Variants in HDAC9 observed in about 807,000 individuals in gnomAD.
The protein encoded by HDAC9 is MEF-2 interacting transcription repressor (MITR) protein.
A neutral mutation model predicts 139.4 loss-of-function variants in HDAC9; 41 were observed. That is an observed-to-expected ratio of 0.29 (90% CI 0.23 to 0.38). HDAC9 has a LOEUF of 0.38. Among genes scored for constraint, HDAC9 ranks in the 10% least tolerant of loss-of-function variants. The pLI, the probability that HDAC9 is intolerant of heterozygous loss-of-function variation, is 1.00. For synonymous variants in HDAC9, 517 were observed against 476.2 expected (o/e 1.09, Z -1.12); for missense variants, 1,147 against 1,297.0 (o/e 0.88, Z 1.78).
chr7:18,649,551 A>T lies in HDAC9; in HGVS notation c.1467+868A>T, dbSNP rs555469895. Among the ~76,000 whole-genome samples the T allele has an allele frequency of 1.2e-4, 19 of 152,258 alleles. No homozygotes were observed. The South Asian group carries it at 3.9e-3, about 32-fold the overall frequency. On this transcript the variant is annotated intron_variant, in intron 11 of 25. Coordinates refer to ENST00000686413, the MANE Select transcript of HDAC9 (RefSeq NM_178425.4). ...GAGAGGCATGATATTGCAAACTGAT[A>T]CTTTGTTTACTGATAAATGGATAGC...
chr7:18,328,979 T>C (rs772932350), intron 1 of HDAC9, among the ~76,000 whole-genome samples: 1 of 151,896 alleles, frequency 6.6e-6, no homozygotes, highest in East Asian at 1.9e-4. Flanking sequence ...TGAATCAGTC[T>C]CCTTACTCAT....
rs1043041396 is a variant in HDAC9, at chr7:18,920,402, A to G, written c.2804-15407A>G. ...CTTAAGGAGATTTTGGGCTGAGACA[A>G]TGGGGTTTTCTAGATATACAATCAT... On this transcript the variant is annotated intron_variant, in intron 22 of 25. Transcript: ENST00000686413. Among the ~76,000 whole-genome samples, 5 of 152,106 alleles carry G rather than the reference A, an allele frequency of 3.3e-5. No homozygotes were observed. The South Asian group carries it at 8.3e-4, about 25-fold the overall frequency.
At position 18,094,721 on chromosome 7, in the gene HDAC9, A is replaced by G. The variant is rs1404786921; in HGVS notation, c.-97+7508A>G. The stretch of plus-strand genomic sequence containing the variant: ...TCCTCCTGCTTAGGCCTCCCAAAGC[A>G]CTAGGATTACAAATGTGAGCCACCG... On this transcript the variant is annotated intron_variant, in intron 1 of 12. Transcript: ENST00000417496. Among the ~76,000 whole-genome samples, 4 of 152,188 alleles carry G rather than the reference A, an allele frequency of 2.6e-5. No individual in the cohort carries two copies. In the East Asian group the frequency reaches 7.7e-4, roughly 29 times the overall value.
At chr7:18,741,561 G>A (rs1053786300) in intron 13 of HDAC9, among the ~76,000 whole-genome samples, 4 of 152,158 alleles carry the variant, frequency 2.6e-5, no homozygotes, top group African/African-American at 7.2e-5. Flanking sequence ...AACTCTGATG[G>A]ACATGTGCAA....
chr7:18,241,429 C>T (rs1794181934), intron 2 of HDAC9, among the ~76,000 whole-genome samples: 1 of 152,110 alleles, frequency 6.6e-6, no homozygotes, highest in Non-Finnish European at 1.5e-5. Context: ...TGTTTCTGTT[C>T]TTCCTGCCCT....
rs200748151 is a variant in HDAC9, at chr7:18,604,409, C to CT, written c.664+10392dup. On this transcript the variant is annotated intron_variant, in intron 6 of 25. Transcript: ENST00000686413. The stretch of plus-strand genomic sequence containing the variant: ...AGTCTACTGATGAGCACATTTGGAC[C>CT]TTTTTTTTTTTTCTTGAGACGGAGT... Among the ~76,000 whole-genome samples the CT allele has an allele frequency of 6.1e-4, 88 of 144,870 alleles. 1 individual carries two copies. Among genetic ancestry groups the CT allele is most frequent in the Middle Eastern group, 7.4e-3 (2 of 270 alleles).
At chr7:18,913,294 G>T (rs1802896889) in intron 22 of HDAC9, among the ~76,000 whole-genome samples, 1 of 152,018 alleles carries the variant, frequency 6.6e-6, no homozygotes, top group Non-Finnish European at 1.5e-5. Flanking sequence ...CAGAATAATA[G>T]AATTTAAACT....
intron 2 of HDAC9, among the ~76,000 whole-genome samples, chr7:18,263,086 C>G (rs1190478019): frequency 6.6e-6 from 1 of 152,036 alleles, no homozygotes; most frequent in Non-Finnish European, 1.5e-5. Flanking sequence ...AAAATATTAT[C>G]TATTTGTATT....
intron 6 of HDAC9, among the ~76,000 whole-genome samples, chr7:18,618,313 A>G (rs1230263681): frequency 6.6e-6 from 1 of 152,156 alleles, no homozygotes; most frequent in Non-Finnish European, 1.5e-5. Flanking sequence ...CTCAGATGTT[A>G]TGGTGGTAGA....
intron 25 of HDAC9, among the ~76,000 whole-genome samples, chr7:18,983,099 C>T (rs528920052): frequency 3.3e-5 from 5 of 152,290 alleles, no homozygotes; most frequent in African/African-American, 1.2e-4. Context: ...CCAGCTCCTT[C>T]ATCTTCCCGC....
At chr7:18,782,240 C>T (rs774140586) in intron 16 of HDAC9, among the ~76,000 whole-genome samples, 7 of 152,052 alleles carry the variant, frequency 4.6e-5, no homozygotes, top group Non-Finnish European at 8.8e-5. Context: ...GATAGTGTAC[C>T]ACATTAAACA....
chr7:18,930,907 G>C lies in HDAC9; in HGVS notation c.2804-4902G>C, dbSNP rs1413856825. Among the ~76,000 whole-genome samples, 5 of 152,084 alleles carry C rather than the reference G, an allele frequency of 3.3e-5. No homozygotes were observed. In the East Asian group the frequency reaches 9.6e-4, roughly 29 times the overall value. Reference sequence around the variant, plus strand: ...TTTATGGGACTTTTTTTCATTGCCAGAGGAAAGAGTGAACTTAAACCAGAT... The same window carrying C: ...TTTATGGGACTTTTTTTCATTGCCACAGGAAAGAGTGAACTTAAACCAGAT... On this transcript the variant is annotated intron_variant, in intron 22 of 25. Transcript: ENST00000686413.
upstream of HDAC9, among the ~76,000 whole-genome samples, chr7:18,493,693 A>G (rs950691981): frequency 1.3e-5 from 2 of 151,968 alleles, no homozygotes; most frequent in African/African-American, 4.8e-5. Flanking sequence ...CAAATCATCA[A>G]ATTGTACACC....
At chr7:18,853,352 GA>G (rs927238662) in intron 21 of HDAC9, among the ~76,000 whole-genome samples, 3 of 149,678 alleles carry the variant, frequency 2.0e-5, no homozygotes, top group African/African-American at 7.4e-5. Flanking sequence ...AATCCATTAG[GA>G]AAAAAAAATG....
intron 12 of HDAC9, chr7:18,667,472 G>A (rs986639006): frequency 7.9e-5 from 78 of 984,508 alleles, no homozygotes; most frequent in Non-Finnish European, 9.2e-5. Context: ...GAAAAGATAG[G>A]TTTAACAAAA....
chr7:18,865,926 T>A (rs1329763171), intron 21 of HDAC9, among the ~76,000 whole-genome samples: 1 of 151,878 alleles, frequency 6.6e-6, no homozygotes, highest in Non-Finnish European at 1.5e-5. Context: ...GATTTTCACC[T>A]ATAATTTACA....
chr7:18,309,072 A>C (rs1799121814), intron 1 of HDAC9, among the ~76,000 whole-genome samples: 1 of 152,136 alleles, frequency 6.6e-6, no homozygotes, highest in South Asian at 2.1e-4. Flanking sequence ...CATATTACCC[A>C]CATTTCAATG....
In HDAC9 at chr7:18,516,176, C is replaced by A. The variant is rs1803117466; in HGVS notation, c.22+19852C>A. Among the ~76,000 whole-genome samples the A allele has an allele frequency of 3.9e-5, 6 of 152,130 alleles. No homozygotes were observed. The South Asian group carries it at 1.2e-3, about 32-fold the overall frequency. On this transcript the variant is annotated intron_variant, in intron 2 of 25. Transcript: ENST00000686413. ...TGCGGGCCTCTTTCTAGTAGGGCCA[C>A]ATTGTGTCATCCTAATTTATTATGT... is the stretch of plus-strand genomic sequence containing the variant.
At chr7:18,920,346 A>T (rs1803584252) in intron 22 of HDAC9, among the ~76,000 whole-genome samples, 1 of 152,122 alleles carries the variant, frequency 6.6e-6, no homozygotes, top group Non-Finnish European at 1.5e-5. Flanking sequence ...TTGATTTTGT[A>T]TCCTGAGACT....
Sources: allele counts gnomAD v4.1 joint callset (sites outside exome capture counted in the v4.1 genomes callset), GRCh38; gene constraint gnomAD v4.1.1; transcripts MANE v1.5; gene names NCBI Gene and HGNC (gene_info 2026-07-23, HGNC 2026-07-21).